DGKI: variants seen among roughly 807,000 people sequenced by gnomAD.
DGKI encodes the protein diacylglycerol kinase iota.
In DGKI, 55 loss-of-function variants were observed where a neutral mutation model predicts 147.5. The observed-to-expected ratio is 0.37, with a 90% CI of 0.30 to 0.47. The LOEUF (loss-of-function observed/expected upper bound fraction) is 0.47. DGKI is among the 20% of genes least tolerant of loss of function. DGKI has a pLI of 1.00. For missense variants in DGKI, 1,007 were observed against 1,323.8 expected (o/e 0.76, Z 3.71); for synonymous variants, 469 against 477.1 (o/e 0.98, Z 0.22).
chr7:137,421,758 C>T (rs1327665698), intron 28 of DGKI, among the ~76,000 whole-genome samples: 1 of 152,176 alleles, frequency 6.6e-6, no homozygotes, highest in Non-Finnish European at 1.5e-5. Context: ...TTGTTTTATC[C>T]ACACTATATC....
At chr7:137,425,715 G>T (rs10263332) in intron 28 of DGKI, among the ~76,000 whole-genome samples, 52,785 of 152,074 alleles carry the variant, frequency 0.35, 9,961 homozygotes, top group East Asian at 0.65. Context: ...GGAGCTGATG[G>T]AGCTGAAAGC....
Position 137,846,161 on chromosome 7 carries a change from T to TCTCTCTCTCTCTCTCACACACA in DGKI, c.401+300_401+301insTGTGTGTGAGAGAGAGAGAGAG, listed in dbSNP as rs781580130. Among the ~76,000 whole-genome samples the TCTCTCTCTCTCTCTCACACACA allele has an allele frequency of 3.7e-5, 4 of 108,218 alleles. No homozygotes were observed. The highest frequency in any genetic ancestry group is 1.1e-4 in the Admixed American group (1 of 9,288). 71.0% of individuals were successfully genotyped at this position (108,218 alleles called of 152,430 possible). ...CTCTCTCTCTCTCTCTCTCTCTCTC[T>TCTCTCTCTCTCTCTCACACACA]CACACACACACACACACACACACAC... On this transcript the variant is annotated intron_variant, in intron 1 of 32. Coordinates refer to ENST00000614521, the MANE Select transcript of DGKI (RefSeq NM_001321708.2). This position sits in a 1 kb window ranked among gnomAD's most constrained non-coding sequence, Gnocchi z 4.0.
At chr7:137,496,769 C>T (rs1815981461) in intron 21 of DGKI, among the ~76,000 whole-genome samples, 1 of 152,072 alleles carries the variant, frequency 6.6e-6, no homozygotes, top group Non-Finnish European at 1.5e-5. Context: ...AAACTGACCC[C>T]TCCCTTATAC....
intron 4 of DGKI, among the ~76,000 whole-genome samples, chr7:137,655,433 C>T (rs1446441610): frequency 6.6e-6 from 1 of 152,098 alleles, no homozygotes; most frequent in East Asian, 1.9e-4. Context: ...CTCCTGACCT[C>T]GTGATCCACC....
intron 30 of DGKI, among the ~76,000 whole-genome samples, chr7:137,402,466 C>T (rs1244933488): frequency 6.6e-6 from 1 of 152,212 alleles, no homozygotes; most frequent in Non-Finnish European, 1.5e-5. Context: ...AGCAGCCAGG[C>T]CTTCCAAATT....
chr7:137,566,348 G>T (rs1013658286), intron 19 of DGKI, among the ~76,000 whole-genome samples: 1 of 151,942 alleles, frequency 6.6e-6, no homozygotes, highest in Non-Finnish European at 1.5e-5. Context: ...CTGCAAATTA[G>T]ATTATTTCAT....
At chr7:137,806,820 C>T (rs375026816) in intron 1 of DGKI, among the ~76,000 whole-genome samples, 1 of 152,150 alleles carries the variant, frequency 6.6e-6, no homozygotes, top group African/African-American at 2.4e-5. Flanking sequence ...ATGACAGCAA[C>T]CAGGCCAGTG....
intron 21 of DGKI, chr7:137,493,828 C>A: frequency 2.9e-6 from 2 of 699,348 alleles, no homozygotes; most frequent in Non-Finnish European, 5.2e-6. Flanking sequence ...CTTAACCAGT[C>A]TGAAATAGCT....
At chr7:137,774,250 T>C (rs144729084) in intron 1 of DGKI, among the ~76,000 whole-genome samples, 93 of 152,248 alleles carry the variant, frequency 6.1e-4, no homozygotes, top group African/African-American at 2.0e-3. Flanking sequence ...ACAAACATTT[T>C]CACTGTTGGA....
At chr7:137,509,696 A>AAAATACAAG (rs1816510672) in intron 21 of DGKI, among the ~76,000 whole-genome samples, 1 of 152,188 alleles carries the variant, frequency 6.6e-6, no homozygotes, top group Non-Finnish European at 1.5e-5. Context: ...GATAACACCT[A>AAAATACAAG]AAATACAAGA....
At chr7:137,522,311 G>A (rs1816989699) in intron 20 of DGKI, among the ~76,000 whole-genome samples, 1 of 152,002 alleles carries the variant, frequency 6.6e-6, no homozygotes, top group Admixed American at 6.6e-5. Flanking sequence ...GTGGGAGGTG[G>A]AGTGGAGCTT....
rs774829700 is a variant in DGKI, at chr7:137,620,053, A to ACACT, written c.877-114_877-113insAGTG. On this transcript the variant is annotated intron_variant, in intron 7 of 32. Coordinates refer to ENST00000614521, the MANE Select transcript of DGKI (RefSeq NM_001321708.2). ...CACACACACACACACACACACACAC[A>ACACT]CTCATTACATGCACAAAAATACATA... 5,078 of 724,808 alleles carry ACACT rather than the reference A, an allele frequency of 7.0e-3. 14 individuals are homozygous for ACACT. The highest frequency in any genetic ancestry group is 9.3e-3 in the Non-Finnish European group (3,886 of 419,744). The allele number at this position is 724,808 out of a possible 1,614,324, so 44.9% of individuals were successfully genotyped here.
chr7:137,716,732 C>G (rs764306617), intron 1 of DGKI, among the ~76,000 whole-genome samples: 2 of 152,226 alleles, frequency 1.3e-5, no homozygotes, highest in African/African-American at 2.4e-5. Flanking sequence ...AAAATACCTT[C>G]TGTCCGAATT....
chr7:137,423,247 A>G (rs1282769057), intron 28 of DGKI, among the ~76,000 whole-genome samples: 2 of 152,204 alleles, frequency 1.3e-5, no homozygotes, highest in Non-Finnish European at 2.9e-5. Flanking sequence ...GCTGGCCTGT[A>G]GCTCTGGTGA....
At chr7:137,554,478 A>C (rs2128967543) in intron 19 of DGKI, among the ~76,000 whole-genome samples, 1 of 152,290 alleles carries the variant, frequency 6.6e-6, no homozygotes, top group African/African-American at 2.4e-5. Flanking sequence ...TGAGAGGAAA[A>C]CTGAGACAGT....
At chr7:137,724,940 A>C (rs1012633391) in intron 1 of DGKI, among the ~76,000 whole-genome samples, 3 of 152,210 alleles carry the variant, frequency 2.0e-5, no homozygotes, top group Non-Finnish European at 4.4e-5. Context: ...TCCAACAATT[A>C]GAAGTTGAGA....
intron 1 of DGKI, among the ~76,000 whole-genome samples, chr7:137,711,427 T>C (rs913119766): frequency 3.3e-5 from 5 of 152,264 alleles, no homozygotes; most frequent in African/African-American, 1.2e-4. Context: ...TGAAAATAAA[T>C]GAACTACAGT....
At chr7:137,648,172 G>A (rs1821895747) in intron 5 of DGKI, among the ~76,000 whole-genome samples, 1 of 152,206 alleles carries the variant, frequency 6.6e-6, no homozygotes, top group Admixed American at 6.5e-5. Context: ...ATTGCTGTTA[G>A]TGTAGCAGAA....
intron 3 of DGKI, 51 bp from the exon 4 acceptor site, chr7:137,656,591 G>A: frequency 1.3e-6 from 2 of 1,557,764 alleles, no homozygotes; most frequent in South Asian, 1.1e-5. Context: ...AGTCTGTTCT[G>A]AAGAGTTCCC....
Sources: allele counts gnomAD v4.1 joint callset (sites outside exome capture counted in the v4.1 genomes callset), GRCh38; gene constraint gnomAD v4.1.1; non-coding constraint Gnocchi (gnomAD v3.1); transcripts MANE v1.5; gene names NCBI Gene and HGNC (gene_info 2026-07-23, HGNC 2026-07-21).